Variants in TRPV1 observed in about 807,000 individuals in gnomAD.
The protein encoded by TRPV1 is OTRPC1.
In TRPV1, 82 loss-of-function variants were observed where a neutral mutation model predicts 82.3. The observed-to-expected ratio is 1.00, with a 90% CI of 0.83 to 1.20. TRPV1 has a LOEUF of 1.20. Ranked by LOEUF, TRPV1 falls within the 50% of genes most tolerant of loss-of-function variation. TRPV1 has a pLI of 0.00. For synonymous variants in TRPV1, 515 were observed against 467.7 expected (o/e 1.10, Z -1.30); for missense variants, 1,067 against 1,096.8 (o/e 0.97, Z 0.38).
Position 3,589,985 on chromosome 17 carries a change from A to T in TRPV1, c.866T>A (p.Leu289Gln). 1.3e-6 allele frequency: 2 copies of T among 1,560,954 alleles called. No homozygotes were observed. Among genetic ancestry groups the T allele is most frequent in the South Asian group, 2.3e-5 (2 of 85,160 alleles). ...GTCGGCCACCTCCACCAGGGCGTGCAGCACCGTGTTGCCCACCGAGTCCCT... is the reference window on the plus strand; with the variant it reads ...GTCGGCCACCTCCACCAGGGCGTGCTGCACCGTGTTGCCCACCGAGTCCCT... ...SARDSVGNTV[L>Q]HALVEVADNT... The change falls in exon 7 of 17, where the codon CTG becomes CAG. Residue 289 changes from leucine (L) to glutamine (Q), a missense_variant. Leu to Gln is a moderately radical substitution (Grantham distance 113). Transcript: ENST00000572705.
chr17:3,573,551 C>CCCCCCCCCCCCCCCCTT lies in TRPV1; in HGVS notation c.2103+81_2103+82insAAGGGGGGGGGGGGGGG. ...CACACCGCCCCCACCACCCACCCAC[C>CCCCCCCCCCCCCCCCTT]TGCAGCCAGCTGTGTAAGACAGCAG... On this transcript the variant is annotated intron_variant, in intron 14 of 16. Transcript: ENST00000572705. 5 of 635,234 alleles carry CCCCCCCCCCCCCCCCTT rather than the reference C, an allele frequency of 7.9e-6. 1 individual carries two copies. Among genetic ancestry groups the CCCCCCCCCCCCCCCCTT allele is most frequent in the South Asian group, 1.2e-4 (2 of 16,418 alleles). 39.3% of individuals were successfully genotyped at this position (635,234 alleles called of 1,614,324 possible).
chr17:3,565,846 T>A lies in TRPV1; in HGVS notation c.*969A>T, dbSNP rs994419387. On this transcript the variant is annotated 3_prime_UTR_variant, in exon 17 of 17. Coordinates refer to ENST00000572705, the MANE Select transcript of TRPV1 (RefSeq NM_080704.4). Reference sequence around the variant, plus strand: ...GAGTTTGTTCCCAAAGGTGTTTTCCTGGGCTTCATTTACTTTTGCTCCTAA... The same window carrying A: ...GAGTTTGTTCCCAAAGGTGTTTTCCAGGGCTTCATTTACTTTTGCTCCTAA... 1 of 152,252 alleles carries A rather than the reference T, an allele frequency of 6.6e-6. No individual in the cohort carries two copies. Among genetic ancestry groups the A allele is most frequent in the African/African-American group, 2.4e-5 (1 of 41,450 alleles). The allele number at this position is 152,252 out of a possible 1,614,324, so 9.4% of individuals were successfully genotyped here.
chr17:3,606,479 C>T (rs1278271179), intron 2 of TRPV1, among the ~76,000 whole-genome samples: 1 of 152,238 alleles, frequency 6.6e-6, no homozygotes, highest in East Asian at 1.9e-4. Flanking sequence ...TCCCACTGGC[C>T]GAAGCGGATC....
At position 3,591,300 on chromosome 17, in the gene TRPV1, T is replaced by C. The variant is rs771789345; in HGVS notation, c.338A>G (p.Tyr113Cys). ...GGCTTCAAAGATACTCCTGCGATCA[T>C]AGAGCCTGAGGGTCTTCTCGGTGCT... ...AASTEKTLRL[Y>C]DRRSIFEAVA... Residue 113 changes from tyrosine (Y) to cysteine (C), a missense_variant, in exon 4 of 17, where the codon TAT becomes TGT. Tyr to Cys is a radical substitution (Grantham distance 194, BLOSUM62 -2). Coordinates refer to ENST00000572705, the MANE Select transcript of TRPV1 (RefSeq NM_080704.4). 2 of 1,612,012 alleles carry C rather than the reference T, an allele frequency of 1.2e-6. No individual in the cohort carries two copies. Among genetic ancestry groups the C allele is most frequent in the East Asian group, 2.2e-5 (1 of 44,834 alleles).
intron 9 of TRPV1, among the ~76,000 whole-genome samples, chr17:3,583,994 G>A (rs1363172039): frequency 1.3e-5 from 2 of 152,156 alleles, no homozygotes; most frequent in African/African-American, 4.8e-5. Flanking sequence ...TCACTGGCCG[G>A]GTGCAGTGGC....
chr17:3,584,064 A>C (rs964032600), intron 9 of TRPV1, among the ~76,000 whole-genome samples: 1 of 151,950 alleles, frequency 6.6e-6, no homozygotes, highest in Non-Finnish European at 1.5e-5. Flanking sequence ...TGAGGTCGAG[A>C]GTTCGAGACC....
intron 7 of TRPV1, 105 bp downstream of exon 7, chr17:3,589,702 C>CCA (rs2075129057): frequency 2.3e-6 from 3 of 1,329,206 alleles, no homozygotes; most frequent in Admixed American, 2.4e-5. Flanking sequence ...AATCAGAGTC[C>CCA]CGCACACACA....
At chr17:3,596,500 AGT>A (rs1291071772) in intron 2 of TRPV1, among the ~76,000 whole-genome samples, 1 of 152,220 alleles carries the variant, frequency 6.6e-6, no homozygotes, top group Non-Finnish European at 1.5e-5. Flanking sequence ...ACAAGGACCC[AGT>A]GTGCCTGCTT....
chr17:3,577,927 A>G (rs2074956449), intron 11 of TRPV1, 164 bp from the exon 12 acceptor site: 2 of 630,152 alleles, frequency 3.2e-6, no homozygotes, highest in Non-Finnish European at 5.4e-6. Flanking sequence ...CCGTGGAAGC[A>G]GCATCGTCCC....
At chr17:3,588,154 T>A in intron 8 of TRPV1, 34 bp downstream of exon 8, 1 of 1,541,638 alleles carries the variant, frequency 6.5e-7, no homozygotes, top group Non-Finnish European at 8.8e-7. Flanking sequence ...GCAGAGGCCC[T>A]GAGGCCCTCC....
At chr17:3,579,493 A>G (rs1239260025) in intron 11 of TRPV1, among the ~76,000 whole-genome samples, 1 of 152,034 alleles carries the variant, frequency 6.6e-6, no homozygotes, top group Non-Finnish European at 1.5e-5. Flanking sequence ...TTATTTATTT[A>G]GAGATGGAAT....
intron 9 of TRPV1, among the ~76,000 whole-genome samples, chr17:3,584,096 C>G (rs547665460): frequency 5.2e-4 from 79 of 151,956 alleles, no homozygotes; most frequent in African/African-American, 1.7e-3. Flanking sequence ...CATGGAGAAA[C>G]CCCATCTCTA....
Position 3,591,066 on chromosome 17 carries a change from C to T in TRPV1, c.502G>A (p.Asp168Asn), listed in dbSNP as rs539775645. 11 of 1,613,086 alleles carry T rather than the reference C, an allele frequency of 6.8e-6. No homozygotes were observed. Among genetic ancestry groups the T allele is most frequent in the Middle Eastern group, 1.6e-4 (1 of 6,068 alleles). ...CLLKAMLNLH[D>N]GQNTTIPLLL... ...AGGGGGATGGTGGTGTTCTGTCCGTCGTGCAGGTTGAGCATGGCTTTCAGC... is the reference window on the plus strand; with the variant it reads ...AGGGGGATGGTGGTGTTCTGTCCGTTGTGCAGGTTGAGCATGGCTTTCAGC... The change falls in exon 5 of 17, where the codon GAC becomes AAC. Residue 168 changes from aspartate to asparagine, a missense_variant. Asp to Asn is a conservative substitution (Grantham distance 23, BLOSUM62 1). Transcript: ENST00000572705.
chr17:3,588,638 GT>G (rs1371809373), intron 7 of TRPV1, among the ~76,000 whole-genome samples: 2 of 151,060 alleles, frequency 1.3e-5, no homozygotes, highest in Non-Finnish European at 1.5e-5. Flanking sequence ...GCAAAATCCT[GT>G]TTTTACTGAA....
At chr17:3,596,391 C>G (rs2075220189) in intron 2 of TRPV1, among the ~76,000 whole-genome samples, 1 of 152,202 alleles carries the variant, frequency 6.6e-6, no homozygotes, top group Non-Finnish European at 1.5e-5. Flanking sequence ...GGCCCAGGAC[C>G]CAGCCAGATT....
At chr17:3,585,976 C>T (rs371177958) in intron 8 of TRPV1, 50 bp from the exon 9 acceptor site, 9 of 1,606,446 alleles carry the variant, frequency 5.6e-6, no homozygotes, top group South Asian at 5.5e-5. Flanking sequence ...AGGAACTCCT[C>T]GCACGCCCAC....
At chr17:3,591,968 T>C (rs2075163768) in intron 3 of TRPV1, 99 bp downstream of exon 3, 1 of 1,478,816 alleles carries the variant, frequency 6.8e-7, no homozygotes, top group African/African-American at 1.4e-5. Context: ...TCCAGCCCCC[T>C]GGCTTTGTGA....
Position 3,577,073 on chromosome 17 carries a change from G to C in TRPV1, c.1780+53C>G, listed in dbSNP as rs1048121616. The C allele has an allele frequency of 7.1e-6, 11 of 1,541,682 alleles. No homozygotes were observed. The African/African-American group carries it at 1.4e-4, about 19-fold the overall frequency. On this transcript the variant is annotated intron_variant, in intron 13 of 16. Coordinates refer to ENST00000572705, the MANE Select transcript of TRPV1 (RefSeq NM_080704.4). ...TCAGCTCCTGGCAGAGTCTTCAGAA[G>C]GCTCAGCCAAGCAGGACCCCTGCCC...
At chr17:3,577,547 C>T (rs553430859) in intron 12 of TRPV1, 51 bp downstream of exon 12, 40 of 1,544,790 alleles carry the variant, frequency 2.6e-5, no homozygotes, top group South Asian at 1.2e-5. Flanking sequence ...TCTCACATGA[C>T]CACGAGGTAA....
Sources: gnomAD v4.1 joint callset for allele counts (sites outside exome capture counted in the v4.1 genomes callset) on GRCh38, gnomAD v4.1.1 for gene constraint, MANE v1.5 for transcripts, NCBI Gene and HGNC (gene_info 2026-07-23, HGNC 2026-07-21) for gene names.